C4BPA: variants seen among roughly 807,000 people sequenced by gnomAD.
C4BPA encodes the protein complement component 4 binding protein alpha, also known as C4b-binding protein alpha chain.
A neutral mutation model predicts 63.7 loss-of-function variants in C4BPA; 31 were observed. The observed-to-expected ratio is 0.49, with a 90% CI of 0.37 to 0.66. The LOEUF is 0.66. Ranked by LOEUF, C4BPA falls within the 30% of genes least tolerant of loss-of-function variation. The pLI, the probability that C4BPA is intolerant of heterozygous loss-of-function variation, is 0.00. For synonymous variants in C4BPA, 259 were observed against 254.7 expected, an observed-to-expected ratio of 1.02 and a Z score of -0.16; for missense variants, 572 against 723.3, an observed-to-expected ratio of 0.79 and a Z score of 2.40.
intron 1 of C4BPA, 105 bp from the exon 2 acceptor site, chr1:207,112,896 C>T: frequency 9.1e-7 from 1 of 1,096,878 alleles, no homozygotes; most frequent in Non-Finnish European, 1.2e-6. Flanking sequence ...GTTTCCACTC[C>T]AGGCTGTCAT....
intron 7 of C4BPA, chr1:207,127,568 C>A (rs533158854): frequency 6.6e-6 from 1 of 152,322 alleles, no homozygotes; most frequent in East Asian, 1.9e-4. Flanking sequence ...GCCTTGTGCT[C>A]TAAGTTTTGC....
chr1:207,116,500 GTGTGTGTGTGTGTATA>G (rs746466081), intron 4 of C4BPA, among the ~76,000 whole-genome samples: 1,662 of 78,860 alleles, frequency 0.021, 36 homozygotes, highest in East Asian at 0.13. Flanking sequence ...CCCACAGTGT[GTGTGTGTGTGTGTATA>G]TGTGTGTGTG....
chr1:207,140,118 A>G (rs1181324946), intron 9 of C4BPA, among the ~76,000 whole-genome samples: 2 of 152,172 alleles, frequency 1.3e-5, no homozygotes, highest in African/African-American at 4.8e-5. Context: ...GAGGCATATG[A>G]GCAGCTTTCT....
intron 4 of C4BPA, among the ~76,000 whole-genome samples, chr1:207,123,601 T>G (rs1364179989): frequency 6.6e-6 from 1 of 152,192 alleles, no homozygotes; most frequent in African/African-American, 2.4e-5. Flanking sequence ...GTAATCTAGC[T>G]GGTACTCTCA....
chr1:207,108,396 A>G (rs940847096), intron 1 of C4BPA, among the ~76,000 whole-genome samples: 2 of 152,232 alleles, frequency 1.3e-5, no homozygotes, highest in African/African-American at 4.8e-5. Flanking sequence ...TCTAAAATCC[A>G]GGAACGACTC....
In C4BPA at chr1:207,115,915, T is replaced by A. The variant is rs192596095; in HGVS notation, c.428+400T>A. On this transcript the variant is annotated intron_variant, in intron 4 of 11. Coordinates refer to ENST00000367070, the MANE Select transcript of C4BPA (RefSeq NM_000715.4). Reference sequence around the variant, plus strand: ...AGAATGTTGTTGTGTAGTTGTGTCATGGCTTTGCCGTCCTTGTGATGGATC... The same window carrying A: ...AGAATGTTGTTGTGTAGTTGTGTCAAGGCTTTGCCGTCCTTGTGATGGATC... 3.9e-3 allele frequency among the ~76,000 whole-genome samples: 592 copies of A among 152,366 alleles called. 1 individual carries two copies. The highest frequency in any genetic ancestry group is 0.027 in the Middle Eastern group (8 of 294).
At chr1:207,124,103 A>G in intron 5 of C4BPA, 72 bp from the exon 6 acceptor site, 1 of 1,517,004 alleles carries the variant, frequency 6.6e-7, no homozygotes, top group South Asian at 1.1e-5. Flanking sequence ...CTTCCATTAG[A>G]ATTTGCATGA....
At chr1:207,140,780 G>C in intron 9 of C4BPA, among the ~76,000 whole-genome samples, 1 of 152,180 alleles carries the variant, frequency 6.6e-6, no homozygotes, top group East Asian at 1.9e-4. Context: ...TAGCCTGAAA[G>C]TGACTAAGTG....
chr1:207,106,333 T>C (rs1290992516), intron 1 of C4BPA, among the ~76,000 whole-genome samples: 1 of 152,248 alleles, frequency 6.6e-6, no homozygotes, highest in South Asian at 2.1e-4. Flanking sequence ...TTATTTCATT[T>C]GGTCCTCAGT....
intron 1 of C4BPA, among the ~76,000 whole-genome samples, chr1:207,104,803 T>C (rs1377861618): frequency 6.6e-6 from 1 of 152,252 alleles, no homozygotes; most frequent in South Asian, 2.1e-4. Flanking sequence ...TTTCAAAGGG[T>C]TCACAGGAAG....
At chr1:207,111,775 T>G (rs1448735001) in intron 1 of C4BPA, among the ~76,000 whole-genome samples, 1 of 152,152 alleles carries the variant, frequency 6.6e-6, no homozygotes, top group African/African-American at 2.4e-5. Context: ...TACCTAAATG[T>G]ATATGGGCTT....
chr1:207,131,078 A>G (rs1313159443), intron 7 of C4BPA, among the ~76,000 whole-genome samples: 1 of 152,204 alleles, frequency 6.6e-6, no homozygotes, highest in Non-Finnish European at 1.5e-5. Flanking sequence ...GAAAGAGAGA[A>G]GAGGACAAGA....
intron 7 of C4BPA, among the ~76,000 whole-genome samples, chr1:207,129,435 A>G (rs1384759761): frequency 6.6e-6 from 1 of 151,466 alleles, no homozygotes; most frequent in Non-Finnish European, 1.5e-5. Flanking sequence ...AACCCAAACA[A>G]AAGAACAAAA....
At chr1:207,108,432 G>T (rs1308751528) in intron 1 of C4BPA, among the ~76,000 whole-genome samples, 1 of 152,164 alleles carries the variant, frequency 6.6e-6, no homozygotes, top group African/African-American at 2.4e-5. Context: ...CATTTGCAAG[G>T]TCAGTTTTGT....
At chr1:207,107,948 T>A (rs1217805571) in intron 1 of C4BPA, among the ~76,000 whole-genome samples, 1 of 152,154 alleles carries the variant, frequency 6.6e-6, no homozygotes, top group Non-Finnish European at 1.5e-5. Context: ...GACTTGGATT[T>A]CTAGTCTGGG....
chr1:207,114,031 C>A, intron 2 of C4BPA, 69 bp from the exon 3 acceptor site: 2 of 1,345,084 alleles, frequency 1.5e-6, no homozygotes, highest in Non-Finnish European at 2.1e-6. Flanking sequence ...AAACATCACA[C>A]TTCAGAAACA....
intron 4 of C4BPA, among the ~76,000 whole-genome samples, chr1:207,116,510 GTGT>G (rs1684791204): frequency 4.8e-5 from 2 of 41,256 alleles, no homozygotes; most frequent in Admixed American, 6.4e-4. Context: ...GTGTGTGTGT[GTGT>G]ATATGTGTGT....
At chr1:207,141,378 T>A in intron 10 of C4BPA, 102 bp downstream of exon 10, 1 of 860,544 alleles carries the variant, frequency 1.2e-6, no homozygotes, top group Non-Finnish European at 1.8e-6. Flanking sequence ...ATGAAAACAT[T>A]TGATTTGATT....
At chr1:207,129,371 C>G (rs565082737) in intron 7 of C4BPA, among the ~76,000 whole-genome samples, 113 of 143,344 alleles carry the variant, frequency 7.9e-4, no homozygotes, top group African/African-American at 2.5e-3. Context: ...AGATAAAAAC[C>G]TATACAAAGG....
Sources: allele counts gnomAD v4.1 joint callset (sites outside exome capture counted in the v4.1 genomes callset), GRCh38; gene constraint gnomAD v4.1.1; transcripts MANE v1.5; gene names NCBI Gene and HGNC (gene_info 2026-07-23, HGNC 2026-07-21).